Variants in FAM117A observed in about 807,000 individuals in gnomAD.
FAM117A encodes family with sequence similarity 117 member A.
A neutral mutation model predicts 44.1 loss-of-function variants in FAM117A; 21 were observed. The ratio of observed to expected loss-of-function variants is 0.48; its 90% CI spans 0.34 to 0.69. The LOEUF (loss-of-function observed/expected upper bound fraction) is 0.69, where lower values mean the gene tolerates loss of function less well. Among genes scored for constraint, FAM117A ranks in the 30% least tolerant of loss-of-function variants. FAM117A has a pLI of 0.01. For missense variants in FAM117A, 498 were observed against 589.9 expected (o/e 0.84, Z 1.61); for synonymous variants, 220 against 238.3 (o/e 0.92, Z 0.71).
rs1022213525 is a variant in FAM117A, at chr17:49,716,165, G to T, written c.1061C>A (p.Thr354Lys). ...CACCCTGTCCACTTGGTGTACTCAC[G>T]TGGCTTCTTCAAACACACGCACTTT... Reference protein sequence around the residue: ...CEKVRVFEEATSPGPDLAFLT... With the variant: ...CEKVRVFEEAKSPGPDLAFLT... The change falls in exon 7 of 8, where the codon ACG (threonine) becomes AAG (lysine). Residue 354 changes from threonine (T) to lysine (K), a missense_variant and splice_region_variant. Around this residue, in one of 3 missense-constraint regions of FAM117A, gnomAD observed 224 missense variants for 296.5 expected, o/e 0.76. Coordinates refer to ENST00000240364, the MANE Select transcript of FAM117A (RefSeq NM_030802.4). 6.9e-7 allele frequency: 1 copy of T among 1,454,038 alleles called. No homozygotes were observed. Among genetic ancestry groups the T allele is most frequent in the Non-Finnish European group, 9.3e-7 (1 of 1,076,890 alleles). The allele number at this position is 1,454,038 out of a possible 1,614,324, so 90.1% of individuals were successfully genotyped here.
chr17:49,785,727 A>G (rs372297388), intron 1 of FAM117A, among the ~76,000 whole-genome samples: 49 of 152,338 alleles, frequency 3.2e-4, no homozygotes, highest in Non-Finnish European at 6.3e-4. Flanking sequence ...GAAAATAACA[A>G]ATCCAGCAGT....
intron 7 of FAM117A, among the ~76,000 whole-genome samples, chr17:49,712,462 A>G (rs1298263894): frequency 6.6e-6 from 1 of 152,220 alleles, no homozygotes; most frequent in Non-Finnish European, 1.5e-5. Context: ...CTACTGGCCT[A>G]AAGAATCTAA....
chr17:49,723,365 A>G (rs961377295), intron 2 of FAM117A, among the ~76,000 whole-genome samples: 1 of 152,132 alleles, frequency 6.6e-6, no homozygotes, highest in Admixed American at 6.5e-5. Context: ...CACCGAAGAC[A>G]GAGTGTCCAA....
At chr17:49,777,625 C>T (rs2073778851) in intron 1 of FAM117A, among the ~76,000 whole-genome samples, 1 of 151,954 alleles carries the variant, frequency 6.6e-6, no homozygotes, top group South Asian at 2.1e-4. Flanking sequence ...CCCTCCATGG[C>T]TCCAAGAAAA....
intron 1 of FAM117A, among the ~76,000 whole-genome samples, chr17:49,769,355 G>A (rs2073754291): frequency 6.6e-6 from 1 of 151,892 alleles, no homozygotes; most frequent in Admixed American, 6.6e-5. Context: ...ATATGATATG[G>A]TGGAAGTTTT....
intron 2 of FAM117A, among the ~76,000 whole-genome samples, chr17:49,730,237 G>A (rs1447842206): frequency 6.6e-6 from 1 of 152,240 alleles, no homozygotes; most frequent in African/African-American, 2.4e-5. Flanking sequence ...CTCGAGGGCT[G>A]GAGCCCATCC....
chr17:49,758,856 G>A (rs1326654366), intron 1 of FAM117A, among the ~76,000 whole-genome samples: 1 of 152,044 alleles, frequency 6.6e-6, no homozygotes, highest in East Asian at 1.9e-4. Context: ...CTCTATGTGA[G>A]TCATCTAAGA....
At chr17:49,789,011 G>T, upstream of FAM117A, 1 of 561,912 alleles carries the variant, frequency 1.8e-6, no homozygotes, top group Non-Finnish European at 2.9e-6. Context: ...AAAAATGTGG[G>T]CCCGACCCTG....
chr17:49,763,694 C>A (rs1211906874), intron 1 of FAM117A, among the ~76,000 whole-genome samples, 198 bp downstream of exon 1: 2 of 152,072 alleles, frequency 1.3e-5, no homozygotes, highest in East Asian at 3.9e-4. Flanking sequence ...CCCGCACACT[C>A]CGTCCCAGCG....
At chr17:49,756,897 A>G (rs1322912120) in intron 1 of FAM117A, among the ~76,000 whole-genome samples, 1 of 145,494 alleles carries the variant, frequency 6.9e-6, no homozygotes, top group Non-Finnish European at 1.5e-5. Flanking sequence ...AGCTTGAGCT[A>G]TAGAATGAGA....
intron 1 of FAM117A, among the ~76,000 whole-genome samples, chr17:49,755,706 G>A (rs547973889): frequency 6.6e-6 from 1 of 152,346 alleles, no homozygotes; most frequent in South Asian, 2.1e-4. Context: ...TTTAAAGAAA[G>A]AGAGAATACT....
At chr17:49,715,939 G>C (rs1281072795) in intron 7 of FAM117A, among the ~76,000 whole-genome samples, 2 of 152,230 alleles carry the variant, frequency 1.3e-5, no homozygotes, top group Non-Finnish European at 2.9e-5. Context: ...TGCTGCGCTT[G>C]TGGCTGGCAT....
chr17:49,776,646 T>C (rs2073776296), intron 1 of FAM117A, among the ~76,000 whole-genome samples: 1 of 152,022 alleles, frequency 6.6e-6, no homozygotes, highest in African/African-American at 2.4e-5. Context: ...GCTTCCTACT[T>C]TGGGGGAGGA....
At chr17:49,766,281 T>C (rs1368933454), upstream of FAM117A, among the ~76,000 whole-genome samples, 1 of 152,214 alleles carries the variant, frequency 6.6e-6, no homozygotes, top group Admixed American at 6.5e-5. Context: ...ACATAAAGGG[T>C]CTCCAAAGAT....
intron 5 of FAM117A, among the ~76,000 whole-genome samples, chr17:49,718,252 C>T (rs2073514570): frequency 1.3e-5 from 2 of 152,214 alleles, no homozygotes; most frequent in Admixed American, 6.5e-5. Flanking sequence ...ATGTAAAATC[C>T]TGCATACATG....
chr17:49,786,950 G>A (rs2073813199), intron 1 of FAM117A, among the ~76,000 whole-genome samples: 1 of 152,004 alleles, frequency 6.6e-6, no homozygotes, highest in Admixed American at 6.6e-5. Flanking sequence ...CAGGTGTGGT[G>A]GCACACGCCT....
chr17:49,756,041 G>C (rs1029406826), intron 1 of FAM117A, among the ~76,000 whole-genome samples: 1 of 152,164 alleles, frequency 6.6e-6, no homozygotes, highest in Non-Finnish European at 1.5e-5. Flanking sequence ...TACGGCAGAA[G>C]GGACTCAAGA....
chr17:49,758,760 C>T (rs535769861), intron 1 of FAM117A, among the ~76,000 whole-genome samples: 4 of 151,940 alleles, frequency 2.6e-5, no homozygotes, highest in African/African-American at 4.8e-5. Context: ...TAGAGTCAAA[C>T]GTGATAGTGT....
intron 6 of FAM117A, among the ~76,000 whole-genome samples, chr17:49,716,857 C>G (rs1437608494): frequency 6.6e-6 from 1 of 152,204 alleles, no homozygotes; most frequent in East Asian, 1.9e-4. Flanking sequence ...ATTTATCTCA[C>G]ATTTATTCCT....
Sources: gnomAD v4.1 joint callset for allele counts (sites outside exome capture counted in the v4.1 genomes callset) on GRCh38, gnomAD v4.1.1 for gene constraint, gnomAD v4.1.1 regional missense constraint, MANE v1.5 for transcripts, NCBI Gene and HGNC (gene_info 2026-07-23, HGNC 2026-07-21) for gene names.